Variants in CC2D2B observed in about 807,000 individuals in gnomAD.
The protein encoded by CC2D2B is protein CC2D2B.
A neutral mutation model predicts 161.2 loss-of-function variants in CC2D2B; 128 were observed. That is an observed-to-expected ratio of 0.79 (90% CI 0.69 to 0.92). CC2D2B has a LOEUF of 0.92. Among genes scored for constraint, CC2D2B ranks in the 40% least tolerant of loss-of-function variants. The pLI, the probability that CC2D2B is intolerant of heterozygous loss-of-function variation, is 0.00. For synonymous variants in CC2D2B, 391 were observed against 449.8 expected, an observed-to-expected ratio of 0.87 and a Z score of 1.65; for missense variants, 1,173 against 1,375.1, an observed-to-expected ratio of 0.85 and a Z score of 2.32.
intron 11 of CC2D2B, among the ~76,000 whole-genome samples, chr10:95,956,384 T>C (rs2076568255): frequency 6.6e-6 from 1 of 152,056 alleles, no homozygotes; most frequent in African/African-American, 2.4e-5. Flanking sequence ...TAGAAAATAA[T>C]ATAACTTTTT....
At chr10:95,932,762 T>C (rs959838596) in intron 6 of CC2D2B, among the ~76,000 whole-genome samples, 2 of 152,236 alleles carry the variant, frequency 1.3e-5, no homozygotes, top group African/African-American at 4.8e-5. Flanking sequence ...GTTAGTCTGA[T>C]GGACTTCCCT....
chr10:95,984,145 C>T (rs752117126), intron 19 of CC2D2B, among the ~76,000 whole-genome samples: 1 of 152,116 alleles, frequency 6.6e-6, no homozygotes, highest in Non-Finnish European at 1.5e-5. Flanking sequence ...AGAGACACTA[C>T]CACAGTAAAC....
intron 12 of CC2D2B, among the ~76,000 whole-genome samples, chr10:95,965,370 G>T (rs2076903296): frequency 6.6e-6 from 1 of 152,050 alleles, no homozygotes; most frequent in South Asian, 2.1e-4. Context: ...ATAAGGATTA[G>T]CTAGTAGTAG....
intron 26 of CC2D2B, among the ~76,000 whole-genome samples, chr10:96,011,790 G>C (rs1442797135): frequency 6.6e-6 from 1 of 151,732 alleles, no homozygotes; most frequent in Non-Finnish European, 1.5e-5. Flanking sequence ...TTCTCCTACT[G>C]TGGACCTCAG....
At position 96,002,583 on chromosome 10, in the gene CC2D2B, T is replaced by C. The variant is rs117096187; in HGVS notation, c.2850-1569T>C. ...TCTTTCTCCTGCTAGCACAATGTTG[T>C]AAATAAATATTGCCTGCCCCGCCCT... On this transcript the variant is annotated intron_variant, in intron 24 of 34. Transcript: ENST00000646931. 7.4e-3 allele frequency among the ~76,000 whole-genome samples: 1,120 copies of C among 152,326 alleles called. 18 individuals carry two copies. The highest frequency in any genetic ancestry group is 0.059 in the South Asian group (287 of 4,828).
At chr10:96,025,132 G>A in intron 33 of CC2D2B, among the ~76,000 whole-genome samples, 1 of 118,356 alleles carries the variant, frequency 8.4e-6, no homozygotes, top group Non-Finnish European at 1.7e-5. Context: ...AACATAGGGA[G>A]ACGTCATCTC....
intron 9 of CC2D2B, among the ~76,000 whole-genome samples, chr10:95,944,261 C>T (rs1007003418): frequency 6.6e-6 from 1 of 152,144 alleles, no homozygotes; most frequent in Non-Finnish European, 1.5e-5. Flanking sequence ...GAGAGACTAG[C>T]AATGTCTCTG....
intron 29 of CC2D2B, among the ~76,000 whole-genome samples, chr10:96,015,643 T>G (rs1371981105): frequency 6.6e-6 from 1 of 152,182 alleles, no homozygotes; most frequent in East Asian, 1.9e-4. Flanking sequence ...TGTGCTTTAC[T>G]GGGCACTCTC....
chr10:96,028,235 G>A (rs2079867810), intron 34 of CC2D2B, among the ~76,000 whole-genome samples: 1 of 152,012 alleles, frequency 6.6e-6, no homozygotes, highest in Admixed American at 6.6e-5. Context: ...TCTGACAAGG[G>A]ATTAATAACC....
intron 19 of CC2D2B, among the ~76,000 whole-genome samples, chr10:95,986,082 A>G (rs1212164609): frequency 6.6e-6 from 1 of 151,464 alleles, no homozygotes; most frequent in Non-Finnish European, 1.5e-5. Context: ...CCCTGCCTCC[A>G]TTTGCCTTGT....
intron 29 of CC2D2B, among the ~76,000 whole-genome samples, chr10:96,014,659 C>T (rs949602833): frequency 3.3e-5 from 5 of 152,192 alleles, no homozygotes; most frequent in African/African-American, 1.2e-4. Flanking sequence ...ATTTCCTTAT[C>T]TATGTCATAC....
At chr10:95,930,895 C>T (rs928103569) in intron 6 of CC2D2B, among the ~76,000 whole-genome samples, 1 of 152,142 alleles carries the variant, frequency 6.6e-6, no homozygotes, top group Non-Finnish European at 1.5e-5. Flanking sequence ...TGATGCTGGC[C>T]TCATAAAATG....
chr10:96,026,962 A>C (rs2079807932), intron 33 of CC2D2B, among the ~76,000 whole-genome samples: 1 of 152,170 alleles, frequency 6.6e-6, no homozygotes. Context: ...GTCTCTACTG[A>C]AAATACAAAA....
At chr10:95,927,732 T>G (rs1050714662) in intron 6 of CC2D2B, among the ~76,000 whole-genome samples, 15 of 151,424 alleles carry the variant, frequency 9.9e-5, no homozygotes, top group African/African-American at 3.6e-4. Context: ...TCCTATCCTT[T>G]CCAAGGGCCC....
chr10:95,992,544 T>C lies in CC2D2B; in HGVS notation c.2489T>C (p.Val830Ala). 8.1e-7 allele frequency: 1 copy of C among 1,234,108 alleles called. No homozygotes were observed. The highest frequency in any genetic ancestry group is 1.0e-6 in the Non-Finnish European group (1 of 988,046). The allele number at this position is 1,234,108 out of a possible 1,614,324, so 76.4% of individuals were successfully genotyped here. A position where few individuals can be genotyped will look rare whatever the true frequency, so the allele number is the denominator to read the frequency against. Residue 830 changes from valine (V) to alanine (A), a missense_variant, in exon 22 of 35, where the codon GTT (valine) becomes GCT (alanine). Coordinates refer to ENST00000646931, the MANE Select transcript of CC2D2B (RefSeq NM_001349008.3). ...IVSTSQLTDA[V>A]CKFVEPRRKL... ...CCCTTTAGCCAATTGACAGATGCAG[T>C]TTGTAAGTTTGTTGAACCACGGAGA...
At chr10:95,937,427 T>C (rs1256234763) in intron 6 of CC2D2B, among the ~76,000 whole-genome samples, 2 of 152,200 alleles carry the variant, frequency 1.3e-5, no homozygotes, top group Non-Finnish European at 2.9e-5. Flanking sequence ...TGTTTCCACA[T>C]CTATGTTCAA....
intron 32 of CC2D2B, among the ~76,000 whole-genome samples, chr10:96,022,340 G>A (rs769545894): frequency 6.6e-6 from 1 of 152,034 alleles, no homozygotes; most frequent in African/African-American, 2.4e-5. Flanking sequence ...AAAAGTGATG[G>A]GTTTCTTTCT....
rs533982798 is a variant in CC2D2B at position 95,953,032 on chromosome 10, C to A, written c.1012-2362C>A. 3.7e-3 allele frequency among the ~76,000 whole-genome samples: 559 copies of A among 152,084 alleles called. 3 individuals are homozygous for A. The highest frequency in any genetic ancestry group is 5.4e-3 in the Non-Finnish European group (368 of 67,980). ...AGAGCCCACTTCCCAGAGCCTTCAC[C>A]AATATTCAGTATTTTTCTCTAGCTT... On this transcript the variant is annotated intron_variant, in intron 10 of 34. Coordinates refer to ENST00000646931, the MANE Select transcript of CC2D2B (RefSeq NM_001349008.3).
intron 24 of CC2D2B, 131 bp downstream of exon 24, chr10:95,996,383 G>T: frequency 1.9e-6 from 1 of 536,598 alleles, no homozygotes; most frequent in African/African-American, 1.9e-5. Context: ...AATATTTCAT[G>T]CACATAAACT....
Sources: allele counts gnomAD v4.1 joint callset (sites outside exome capture counted in the v4.1 genomes callset), GRCh38; gene constraint gnomAD v4.1.1; transcripts MANE v1.5; gene names NCBI Gene and HGNC (gene_info 2026-07-23, HGNC 2026-07-21).